Variants in CFAP47 observed in about 807,000 individuals in gnomAD.
CFAP47 encodes cilia- and flagella-associated protein 47.
Under a neutral mutation model 148.1 loss-of-function variants are expected in CFAP47, and 29 were observed. The ratio of observed to expected loss-of-function variants is 0.20; its 90% CI spans 0.15 to 0.27. The LOEUF is 0.27. Ranked by LOEUF, CFAP47 falls within the 10% of genes least tolerant of loss-of-function variation. CFAP47 has a pLI of 1.00. For missense variants in CFAP47, 1,872 were observed against 1,697.5 expected, an observed-to-expected ratio of 1.10 and a Z score of -1.81; for synonymous variants, 664 against 577.3, an observed-to-expected ratio of 1.15 and a Z score of -2.15.
chrX:36,221,840 T>G (rs1251035394), intron 45 of CFAP47, among the ~76,000 whole-genome samples: 5 of 111,530 alleles, frequency 4.5e-5, no homozygotes, highest in Non-Finnish European at 9.4e-5. Flanking sequence ...TCAATTAATG[T>G]GAAAAGAGAA....
intron 29 of CFAP47, among the ~76,000 whole-genome samples, chrX:36,077,939 G>C (rs751549029): frequency 5.4e-5 from 6 of 110,638 alleles, no homozygotes; most frequent in Admixed American, 1.9e-4. Flanking sequence ...TGAGGCAGGA[G>C]AATTTATTGA....
At chrX:36,181,004 C>A (rs979791401) in intron 40 of CFAP47, among the ~76,000 whole-genome samples, 3 of 111,921 alleles carry the variant, frequency 2.7e-5, no homozygotes, top group African/African-American at 9.7e-5. Flanking sequence ...TTTTCAGCCC[C>A]TTGATTCTTC....
intron 45 of CFAP47, among the ~76,000 whole-genome samples, chrX:36,208,361 C>T (rs1166239070): frequency 9.1e-6 from 1 of 110,429 alleles, no homozygotes; most frequent in African/African-American, 3.3e-5. Flanking sequence ...GGGATTTGTT[C>T]CAGAACCACC....
At chrX:36,176,620 G>A (rs1339844122) in intron 39 of CFAP47, among the ~76,000 whole-genome samples, 1 of 112,309 alleles carries the variant, frequency 8.9e-6, no homozygotes, top group African/African-American at 3.2e-5. Flanking sequence ...TAATAAATGG[G>A]TGAGGCCAGG....
chrX:36,115,222 C>G, intron 33 of CFAP47, among the ~76,000 whole-genome samples: 1 of 111,451 alleles, frequency 9.0e-6, no homozygotes, highest in East Asian at 2.8e-4. Context: ...CTACTTGTTT[C>G]TCTCTCCCAT....
chrX:35,990,938 C>T (rs1049670288), intron 16 of CFAP47, among the ~76,000 whole-genome samples: 1 of 111,673 alleles, frequency 9.0e-6, no homozygotes, highest in Admixed American at 9.6e-5. Flanking sequence ...TCATTACCTT[C>T]TCTTCTTTCC....
intron 55 of CFAP47, among the ~76,000 whole-genome samples, chrX:36,309,227 A>C (rs782334630): frequency 2.7e-5 from 3 of 110,939 alleles, no homozygotes; most frequent in Non-Finnish European, 5.7e-5. Flanking sequence ...AAAGGTCAGA[A>C]TAGCAAAAAT....
intron 46 of CFAP47, among the ~76,000 whole-genome samples, chrX:36,231,107 T>C (rs1335588415): frequency 9.1e-6 from 1 of 110,060 alleles, no homozygotes; most frequent in Non-Finnish European, 1.9e-5. Context: ...CTTTTTTGGT[T>C]CCATATTAAC....
At chrX:36,144,149 A>G (rs1189802328) in intron 35 of CFAP47, among the ~76,000 whole-genome samples, 1 of 112,164 alleles carries the variant, frequency 8.9e-6, no homozygotes, top group African/African-American at 3.2e-5. Context: ...TATAAGGCCT[A>G]TTTAATGTGC....
At chrX:35,930,628 A>G (rs1935812890) in intron 2 of CFAP47, among the ~76,000 whole-genome samples, 1 of 111,522 alleles carries the variant, frequency 9.0e-6, no homozygotes, top group South Asian at 3.7e-4. Flanking sequence ...TTTGATGCTT[A>G]TAGGGCTATT....
chrX:35,957,539 T>C (rs1393084262), intron 8 of CFAP47, among the ~76,000 whole-genome samples: 1 of 112,285 alleles, frequency 8.9e-6, no homozygotes, highest in East Asian at 2.8e-4. Context: ...ATAGATGTTA[T>C]CAGTTTTCAA....
At chrX:36,224,119 T>C (rs1342679765) in intron 45 of CFAP47, among the ~76,000 whole-genome samples, 1 of 111,647 alleles carries the variant, frequency 9.0e-6, no homozygotes, top group Non-Finnish European at 1.9e-5. Context: ...TTAGATGGCT[T>C]TCAGTTTTAA....
chrX:36,264,513 G>A (rs149663915), intron 49 of CFAP47, among the ~76,000 whole-genome samples: 1 of 111,555 alleles, frequency 9.0e-6, no homozygotes, highest in East Asian at 2.9e-4. Flanking sequence ...ATTTTGGTCT[G>A]GTTTTCCTTT....
At chrX:36,144,798 T>C (rs1317040626) in intron 35 of CFAP47, 1 of 1,026,033 alleles carries the variant, frequency 9.7e-7, no homozygotes, top group Non-Finnish European at 1.3e-6. Flanking sequence ...CCTTCTGCCC[T>C]TGGACATCTG....
At chrX:36,316,109 T>C (rs973815365) in intron 56 of CFAP47, among the ~76,000 whole-genome samples, 1 of 112,224 alleles carries the variant, frequency 8.9e-6, no homozygotes, top group African/African-American at 3.2e-5. Flanking sequence ...GCACATGGCT[T>C]CTCAGTAAGC....
chrX:36,208,381 T>C (rs1187379141), intron 45 of CFAP47, among the ~76,000 whole-genome samples: 1 of 110,527 alleles, frequency 9.0e-6, no homozygotes, highest in Non-Finnish European at 1.9e-5. Context: ...CCGTGTATAC[T>C]CAAATCCACT....
intron 49 of CFAP47, among the ~76,000 whole-genome samples, chrX:36,277,145 T>G (rs1424838126): frequency 8.9e-6 from 1 of 112,211 alleles, no homozygotes; most frequent in African/African-American, 3.2e-5. Flanking sequence ...ATTATTTAAT[T>G]TCATGGACAT....
In CFAP47 at chrX:36,309,245, G is replaced by A. The variant is rs184483327; in HGVS notation, c.8188-1588G>A. 8.1e-5 allele frequency among the ~76,000 whole-genome samples: 9 copies of A among 110,807 alleles called. No homozygotes were observed. The East Asian group carries it at 2.0e-3, about 24-fold the overall frequency. ...GGTCAGAATAGCAAAAATTAAGGAA[G>A]AAGTTATAAAATCAGTGGTTTTACA... On this transcript the variant is annotated intron_variant, in intron 55 of 63. Coordinates refer to ENST00000378653, the MANE Select transcript of CFAP47 (RefSeq NM_001304548.2).
chrX:36,189,103 G>T (rs1939838512), intron 41 of CFAP47, among the ~76,000 whole-genome samples: 1 of 111,367 alleles, frequency 9.0e-6, no homozygotes. Context: ...ATAATGATCG[G>T]TAGAACAAAT....
Sources: gnomAD v4.1 joint callset for allele counts (sites outside exome capture counted in the v4.1 genomes callset) on GRCh38, gnomAD v4.1.1 for gene constraint, MANE v1.5 for transcripts, NCBI Gene and HGNC (gene_info 2026-07-23, HGNC 2026-07-21) for gene names.